TMEM132E: variants seen among roughly 807,000 people sequenced by gnomAD.
TMEM132E encodes the protein transmembrane protein 132E.
Under a neutral mutation model 78.5 loss-of-function variants are expected in TMEM132E, and 49 were observed. That is an observed-to-expected ratio of 0.62 (90% confidence interval 0.50 to 0.79). The LOEUF (loss-of-function observed/expected upper bound fraction) is 0.79, where lower values mean the gene tolerates loss of function less well. Ranked by LOEUF, TMEM132E falls within the 30% of genes least tolerant of loss-of-function variation. The pLI is 0.00. For missense variants in TMEM132E, 1,403 were observed against 1,470.9 expected (o/e 0.95, Z 0.75); for synonymous variants, 715 against 670.6 (o/e 1.07, Z -1.02).
Position 34,638,413 on chromosome 17 carries a change from C to G in TMEM132E, c.*181C>G. On this transcript the variant is annotated 3_prime_UTR_variant, in exon 9 of 9. Coordinates refer to ENST00000631683, the MANE Select transcript of TMEM132E (RefSeq NM_001304438.2). ...AGTGTCTGGGCCTTCCCTCGCCTCA[C>G]GCCATTACCCTCTTCTGCCCCCTGC... The G allele has an allele frequency of 1.6e-6, 1 of 624,496 alleles. No homozygotes were observed. The highest frequency in any genetic ancestry group is 3.3e-5 in the Admixed American group (1 of 30,218). 38.7% of individuals were successfully genotyped at this position (624,496 alleles called of 1,614,324 possible). A position where few individuals can be genotyped will look rare whatever the true frequency, so the allele number is the denominator to read the frequency against.
chr17:34,582,567 A>G (rs1905531410), intron 1 of TMEM132E, among the ~76,000 whole-genome samples: 2 of 151,246 alleles, frequency 1.3e-5, no homozygotes, highest in African/African-American at 4.9e-5. Context: ...TCAGTTCTCT[A>G]TGGGAGGAAT....
chr17:34,635,793 G>T (rs1001379353), intron 7 of TMEM132E: 3 of 405,014 alleles, frequency 7.4e-6, no homozygotes, highest in Non-Finnish European at 1.3e-5. Context: ...TTGTGTTCCC[G>T]CCTGGCTCCT....
In TMEM132E at chr17:34,635,051, G is replaced by T. The variant is rs146893987; in HGVS notation, c.1941G>T (p.Thr647=). 1.9e-6 allele frequency: 3 copies of T among 1,613,960 alleles called. No homozygotes were observed. In the East Asian group the frequency reaches 6.7e-5, roughly 36 times the overall value. ...PRVAHMVDSS[T]LAGLEPGTTP... is the part of the protein sequence containing the mutation. Reference sequence around the variant, plus strand: ...TGGCACACATGGTGGACAGCAGCACGCTGGCAGGACTGGAGCCAGGCACCA... The same window carrying T: ...TGGCACACATGGTGGACAGCAGCACTCTGGCAGGACTGGAGCCAGGCACCA... The change falls in exon 7 of 9, where the codon ACG becomes ACT. Residue 647 remains threonine (T), a synonymous_variant. Coordinates refer to ENST00000631683, the MANE Select transcript of TMEM132E (RefSeq NM_001304438.2).
At chr17:34,606,129 C>T (rs1906405843) in intron 1 of TMEM132E, among the ~76,000 whole-genome samples, 1 of 152,074 alleles carries the variant, frequency 6.6e-6, no homozygotes, top group Non-Finnish European at 1.5e-5. Context: ...TGGATCACCT[C>T]AGGTCAGGAG....
intron 1 of TMEM132E, among the ~76,000 whole-genome samples, chr17:34,618,395 AT>A (rs57529797): frequency 0.031 from 4,091 of 133,624 alleles, 108 homozygotes; most frequent in African/African-American, 0.08. Flanking sequence ...ACGTCTGGTG[AT>A]TTTTTTTTTT....
rs1907516771 is a variant in TMEM132E, at chr17:34,636,173, A to G, written c.2144A>G (p.Gln715Arg). 6.5e-7 allele frequency: 1 copy of G among 1,532,290 alleles called. No homozygotes were observed. Among genetic ancestry groups the G allele is most frequent in the African/African-American group, 1.4e-5 (1 of 70,724 alleles). The allele number at this position is 1,532,290 out of a possible 1,614,324, so 94.9% of individuals were successfully genotyped here. A position where few individuals can be genotyped will look rare whatever the true frequency, so the allele number is the denominator to read the frequency against. Reference sequence around the variant, plus strand: ...ACCATCCTAGCCACCACAGCTGCCCAACAGACCTTGAGCTTCCTCAAGCAG... The same window carrying G: ...ACCATCCTAGCCACCACAGCTGCCCGACAGACCTTGAGCTTCCTCAAGCAG... Reference protein sequence around the residue: ...SHTILATTAAQQTLSFLKQEA... With the variant: ...SHTILATTAARQTLSFLKQEA... The change falls in exon 8 of 9, where the codon CAA becomes CGA. Residue 715 changes from glutamine (Q) to arginine (R), a missense_variant. Physicochemically the swap from Gln to Arg is conservative, Grantham distance 43 (BLOSUM62 1). Transcript: ENST00000631683.
intron 1 of TMEM132E, among the ~76,000 whole-genome samples, chr17:34,587,171 T>A (rs994144615): frequency 6.6e-6 from 1 of 152,116 alleles, no homozygotes; most frequent in East Asian, 1.9e-4. Context: ...AGCATCTCCA[T>A]CCAAGAATTC....
chr17:34,612,663 C>T (rs939492643), intron 1 of TMEM132E, among the ~76,000 whole-genome samples: 1 of 152,172 alleles, frequency 6.6e-6, no homozygotes, highest in Non-Finnish European at 1.5e-5. Context: ...GAGGAAGTCC[C>T]ACCTTCATGA....
At chr17:34,632,597 C>G (rs1268261660) in intron 5 of TMEM132E, 107 bp from the exon 6 acceptor site, 1 of 1,187,332 alleles carries the variant, frequency 8.4e-7, no homozygotes, top group Non-Finnish European at 1.2e-6. Flanking sequence ...CCCCTTCAGC[C>G]TCCTAGGACT....
chr17:34,587,291 C>A (rs752840984), intron 1 of TMEM132E, among the ~76,000 whole-genome samples: 2 of 152,142 alleles, frequency 1.3e-5, no homozygotes, highest in South Asian at 2.1e-4. Flanking sequence ...CTGGAGCTGG[C>A]CAACCCTTAA....
At chr17:34,611,976 G>A (rs558695255) in intron 1 of TMEM132E, among the ~76,000 whole-genome samples, 1 of 152,244 alleles carries the variant, frequency 6.6e-6, no homozygotes, top group African/African-American at 2.4e-5. Context: ...GGGACCGAGG[G>A]TCTACTATTA....
chr17:34,586,774 G>A (rs1009471683), intron 1 of TMEM132E, among the ~76,000 whole-genome samples: 23 of 150,830 alleles, frequency 1.5e-4, no homozygotes, highest in African/African-American at 5.1e-4. Context: ...CTTGTTGCAC[G>A]AATGAATGAG....
intron 1 of TMEM132E, among the ~76,000 whole-genome samples, chr17:34,586,279 A>G (rs1281253041): frequency 7.5e-6 from 1 of 133,038 alleles, no homozygotes; most frequent in South Asian, 2.2e-4. Flanking sequence ...TTAATGAACC[A>G]GTTGTGTGTG....
Position 34,637,737 on chromosome 17 carries a change from C to G in TMEM132E, c.2730C>G (p.Ile910Met), listed in dbSNP as rs763524517. The G allele has an allele frequency of 3.5e-5, 57 of 1,613,530 alleles. No individual in the cohort carries two copies. The highest frequency in any genetic ancestry group is 4.6e-5 in the Non-Finnish European group (54 of 1,180,010). Residue 910 changes from isoleucine (I) to methionine (M), a missense_variant, in exon 9 of 9, where the codon ATC (isoleucine) becomes ATG (methionine). Coordinates refer to ENST00000631683, the MANE Select transcript of TMEM132E (RefSeq NM_001304438.2). ...TCCTCGTCTTCCTCATCAACTGCAT[C>G]GTTTTTGTGCTGCGCTACCGGCACA... The part of the protein sequence containing the change: ...LAILVFLINC[I>M]VFVLRYRHKR...
Position 34,637,526 on chromosome 17 carries a change from G to C in TMEM132E, c.2519G>C (p.Arg840Pro). ...PGPGGGEDEARGAGPPGSALP... is the reference protein window; with the variant it reads ...PGPGGGEDEAPGAGPPGSALP... The stretch of plus-strand genomic sequence containing the variant: ...CCCGGCGGGGGCGAGGACGAGGCCC[G>C]GGGAGCTGGCCCGCCGGGCTCTGCG... Residue 840 changes from arginine to proline, a missense_variant, in exon 9 of 9, where the codon CGG becomes CCG. Arg to Pro is a moderately radical substitution (Grantham distance 103). Coordinates refer to ENST00000631683, the MANE Select transcript of TMEM132E (RefSeq NM_001304438.2). 6.2e-7 allele frequency: 1 copy of C among 1,600,328 alleles called. No individual in the cohort carries two copies. The highest frequency in any genetic ancestry group is 8.5e-7 in the Non-Finnish European group (1 of 1,174,728).
intron 2 of TMEM132E, among the ~76,000 whole-genome samples, chr17:34,627,636 C>T (rs1411174438): frequency 6.6e-6 from 1 of 152,110 alleles, no homozygotes; most frequent in African/African-American, 2.4e-5. Flanking sequence ...ATCACATCCA[C>T]CCCAAAAATG....
chr17:34,628,846 C>T (rs1907248666), intron 3 of TMEM132E, 137 bp downstream of exon 3: 1 of 1,360,730 alleles, frequency 7.3e-7, no homozygotes, highest in Non-Finnish European at 9.8e-7. Flanking sequence ...CCAGGCCCCT[C>T]AGTGGGATCC....
intron 6 of TMEM132E, 87 bp from the exon 7 acceptor site, chr17:34,634,712 G>T: frequency 6.9e-7 from 1 of 1,442,100 alleles, no homozygotes; most frequent in South Asian, 1.4e-5. Flanking sequence ...AAGCTGGGAG[G>T]ACCCAACAGG....
At chr17:34,600,426 A>AGAGTGT (rs1906197347) in intron 1 of TMEM132E, among the ~76,000 whole-genome samples, 2 of 143,968 alleles carry the variant, frequency 1.4e-5, no homozygotes, top group East Asian at 2.1e-4. Context: ...AGCGTATATG[A>AGAGTGT]GTGTGTGTGT....
Sources: allele counts gnomAD v4.1 joint callset (sites outside exome capture counted in the v4.1 genomes callset), GRCh38; gene constraint gnomAD v4.1.1; transcripts MANE v1.5; gene names NCBI Gene and HGNC (gene_info 2026-07-23, HGNC 2026-07-21).